Variants in VAT1L observed in about 807,000 individuals in gnomAD.
VAT1L encodes putative NADPH-dependent quinone oxidoreductase VAT1L.
In VAT1L, 34 loss-of-function variants were observed where a neutral mutation model predicts 44.1. The ratio of observed to expected loss-of-function variants is 0.77; its 90% CI spans 0.59 to 1.03. The LOEUF (loss-of-function observed/expected upper bound fraction) is 1.03, where lower values mean the gene tolerates loss of function less well. VAT1L is among the 50% of genes least tolerant of loss of function. VAT1L has a pLI of 0.00. For synonymous variants in VAT1L, 253 were observed against 202.2 expected, an observed-to-expected ratio of 1.25 and a Z score of -2.13; for missense variants, 615 against 538.8, an observed-to-expected ratio of 1.14 and a Z score of -1.40.
chr16:77,943,856 T>C (rs2017924736), intron 7 of VAT1L, among the ~76,000 whole-genome samples: 2 of 152,206 alleles, frequency 1.3e-5, no homozygotes, highest in South Asian at 2.1e-4. Context: ...CATCACCATT[T>C]CTTTCCTCCA....
rs143282296 is a variant in VAT1L, at chr16:77,888,851, C to T, written c.1077+4049C>T. ...TCACCAGCCAGATAAAGGAATTCTA[C>T]GTTCCTGTAGCAAGATAGTCCTCCA... On this transcript the variant is annotated intron_variant, in intron 7 of 8. Coordinates refer to ENST00000302536, the MANE Select transcript of VAT1L (RefSeq NM_020927.3). Among the ~76,000 whole-genome samples, 562 of 152,316 alleles carry T rather than the reference C, an allele frequency of 3.7e-3. 4 individuals carry two copies. Among genetic ancestry groups the T allele is most frequent in the African/African-American group, 0.012 (503 of 41,572 alleles).
chr16:77,823,912 A>G (rs1304221652), intron 2 of VAT1L, among the ~76,000 whole-genome samples: 1 of 152,202 alleles, frequency 6.6e-6, no homozygotes, highest in Non-Finnish European at 1.5e-5. Context: ...AATCCGAGCT[A>G]CTTGGGAGGC....
At chr16:77,847,083 T>G (rs554861966) in intron 3 of VAT1L, among the ~76,000 whole-genome samples, 36 of 152,338 alleles carry the variant, frequency 2.4e-4, no homozygotes, top group African/African-American at 8.7e-4. Context: ...AGTAGGTCCT[T>G]CTGCAAAATG....
chr16:77,893,869 T>C (rs2017293993), intron 7 of VAT1L, among the ~76,000 whole-genome samples: 1 of 152,202 alleles, frequency 6.6e-6, no homozygotes, highest in South Asian at 2.1e-4. Context: ...CATTGAAGAA[T>C]GAGCAAAATA....
intron 3 of VAT1L, among the ~76,000 whole-genome samples, chr16:77,852,503 C>T (rs1194948476): frequency 1.3e-5 from 2 of 152,132 alleles, no homozygotes; most frequent in Non-Finnish European, 2.9e-5. Context: ...GCAATAAGGC[C>T]CCTTGCATTT....
In VAT1L at chr16:77,879,403, G is replaced by A. The variant is rs930410077; in HGVS notation, c.882+179G>A. 8.5e-5 allele frequency among the ~76,000 whole-genome samples: 13 copies of A among 152,314 alleles called. No individual in the cohort carries two copies. Among genetic ancestry groups the A allele is most frequent in the Admixed American group, 8.5e-4 (13 of 15,302 alleles). On this transcript the variant is annotated intron_variant, in intron 6 of 8. Transcript: ENST00000302536. This position sits in a 1 kb window ranked among gnomAD's most constrained non-coding sequence, Gnocchi z 4.1. Reference sequence around the variant, plus strand: ...ACTCCCTGGTTCAAGCGATTCTCCTGCCTCAGCCTCCCTAGTAGCTGGGAT... The same window carrying A: ...ACTCCCTGGTTCAAGCGATTCTCCTACCTCAGCCTCCCTAGTAGCTGGGAT...
At chr16:77,962,662 G>A (rs562973927) in intron 7 of VAT1L, among the ~76,000 whole-genome samples, 6 of 150,970 alleles carry the variant, frequency 4.0e-5, no homozygotes, top group Admixed American at 2.6e-4. Context: ...GCAGGAGGAC[G>A]GCTTCAATCC....
At chr16:77,883,177 A>G (rs753392419) in intron 6 of VAT1L, among the ~76,000 whole-genome samples, 2 of 152,228 alleles carry the variant, frequency 1.3e-5, no homozygotes, top group Non-Finnish European at 2.9e-5. Context: ...CATAAAGGCT[A>G]TCAATGTTTC....
intron 7 of VAT1L, among the ~76,000 whole-genome samples, chr16:77,966,528 G>C (rs898876503): frequency 6.6e-6 from 1 of 152,114 alleles, no homozygotes; most frequent in Admixed American, 6.5e-5. Flanking sequence ...TGTGATGAAA[G>C]GTGAAGAAAA....
chr16:77,977,469 C>A, intron 8 of VAT1L, 128 bp from the exon 9 acceptor site: 3 of 850,986 alleles, frequency 3.5e-6, no homozygotes, highest in East Asian at 5.4e-5. Flanking sequence ...TCCTGCATTG[C>A]CTTCCAGGGA....
Position 77,955,942 on chromosome 16 carries a change from G to A in VAT1L, c.1078-15908G>A, listed in dbSNP as rs60281868. ...CAAGCCTGTGGTTGTATGAAGCGGG[G>A]TCTAAAGCCTAGTTTCTCTGTATCC... On this transcript the variant is annotated intron_variant, in intron 7 of 8. Coordinates refer to ENST00000302536, the MANE Select transcript of VAT1L (RefSeq NM_020927.3). 4.5e-4 allele frequency among the ~76,000 whole-genome samples: 68 copies of A among 152,264 alleles called. 1 individual carries two copies. Among genetic ancestry groups the A allele is most frequent in the African/African-American group, 1.6e-3 (66 of 41,558 alleles).
chr16:77,916,418 C>T (rs1306515863), intron 7 of VAT1L, among the ~76,000 whole-genome samples: 1 of 152,172 alleles, frequency 6.6e-6, no homozygotes, highest in African/African-American at 2.4e-5. Flanking sequence ...GTCTTCTCCG[C>T]TTTTGTAAAA....
intron 1 of VAT1L, among the ~76,000 whole-genome samples, chr16:77,810,103 A>C (rs147369245): frequency 2.1e-3 from 327 of 152,350 alleles, no homozygotes; most frequent in African/African-American, 7.7e-3. Context: ...CCTCTGGACT[A>C]AGATCAAAAA....
At chr16:77,795,090 C>T (rs924803200) in intron 1 of VAT1L, among the ~76,000 whole-genome samples, 2 of 152,038 alleles carry the variant, frequency 1.3e-5, no homozygotes, top group African/African-American at 2.4e-5. Context: ...AGCATCTTAC[C>T]CCCTGAGAAT....
chr16:77,942,559 C>T (rs944720745), intron 7 of VAT1L, among the ~76,000 whole-genome samples: 3 of 152,156 alleles, frequency 2.0e-5, no homozygotes, highest in Admixed American at 1.3e-4. Flanking sequence ...GAAATTGCCA[C>T]ACTGCCTTTG....
chr16:77,942,878 G>A, intron 7 of VAT1L, among the ~76,000 whole-genome samples: 1 of 151,636 alleles, frequency 6.6e-6, no homozygotes, highest in African/African-American at 2.4e-5. Context: ...CCAAGTAGCT[G>A]GGATTACAGG....
At chr16:77,958,358 C>T (rs1046707274) in intron 7 of VAT1L, among the ~76,000 whole-genome samples, 2 of 152,186 alleles carry the variant, frequency 1.3e-5, no homozygotes, top group Non-Finnish European at 2.9e-5. Context: ...AAGCATCTCT[C>T]TTACACACTG....
intron 7 of VAT1L, among the ~76,000 whole-genome samples, chr16:77,890,448 A>T (rs2017252329): frequency 6.6e-6 from 1 of 152,118 alleles, no homozygotes; most frequent in East Asian, 1.9e-4. Context: ...CCTAAGAAGC[A>T]TGACACCATT....
At chr16:77,887,442 G>A (rs1001101067) in intron 7 of VAT1L, among the ~76,000 whole-genome samples, 2 of 152,154 alleles carry the variant, frequency 1.3e-5, no homozygotes, top group Admixed American at 6.5e-5. Flanking sequence ...TCTCATTCCA[G>A]CTAAGGAATA....
Sources: allele counts gnomAD v4.1 joint callset (sites outside exome capture counted in the v4.1 genomes callset), GRCh38; gene constraint gnomAD v4.1.1; non-coding constraint Gnocchi (gnomAD v3.1); transcripts MANE v1.5; gene names NCBI Gene and HGNC (gene_info 2026-07-23, HGNC 2026-07-21).